PDCD4: variants seen among roughly 807,000 people sequenced by gnomAD.
The protein encoded by PDCD4 is programmed cell death protein 4.
PDCD4 carries 56 observed loss-of-function variants against 54.0 expected under a neutral mutation model. The observed-to-expected ratio is 1.04, with a 90% CI of 0.84 to 1.30. The LOEUF (loss-of-function observed/expected upper bound fraction) is 1.30. PDCD4 is among the 50% of genes most tolerant of loss of function. The probability of loss-of-function intolerance (pLI) is 0.00; values close to 1 mark genes in which losing one functional copy is unlikely to be tolerated. For missense variants in PDCD4, 584 were observed against 559.8 expected, an observed-to-expected ratio of 1.04 and a Z score of -0.44; for synonymous variants, 186 against 194.8, an observed-to-expected ratio of 0.95 and a Z score of 0.37.
At position 110,875,993 on chromosome 10, in the gene PDCD4, ATTTG is replaced by A; in HGVS notation, c.-31_-28del. On this transcript the variant is annotated 5_prime_UTR_variant, in exon 2 of 12. Coordinates refer to ENST00000280154, the MANE Select transcript of PDCD4 (RefSeq NM_014456.5). Reference sequence around the variant, plus strand: ...TCTGAAGGAAGATTTCCATTAGGTAATTTGTTTAATCAGTGCAAGCGAAATTAAG... The same window carrying A: ...TCTGAAGGAAGATTTCCATTAGGTAATTTAATCAGTGCAAGCGAAATTAAG... 1 of 1,519,348 alleles carries A rather than the reference ATTTG, an allele frequency of 6.6e-7. No individual in the cohort carries two copies. 94.1% of individuals were successfully genotyped at this position (1,519,348 alleles called of 1,614,324 possible). A position where few individuals can be genotyped will look rare whatever the true frequency, so the allele number is the denominator to read the frequency against.
chr10:110,873,828 A>AT (rs918880836), intron 1 of PDCD4, among the ~76,000 whole-genome samples: 2 of 151,994 alleles, frequency 1.3e-5, no homozygotes, highest in Non-Finnish European at 2.9e-5. Context: ...ACACAGGACT[A>AT]TTTTTTTTAT....
intron 7 of PDCD4, 49 bp downstream of exon 7, chr10:110,889,679 C>T (rs755585059): frequency 1.0e-6 from 1 of 987,294 alleles, no homozygotes; most frequent in African/African-American, 1.6e-5. Context: ...GGGGAAAATT[C>T]TACAGGATCC....
intron 2 of PDCD4, chr10:110,876,673 AT>A: frequency 8.9e-7 from 1 of 1,120,726 alleles, no homozygotes; most frequent in Non-Finnish European, 1.2e-6. Context: ...TACCTAGGGT[AT>A]TTTCCCTAAT....
At chr10:110,890,796 T>C (rs1230842239) in intron 8 of PDCD4, 126 bp downstream of exon 8, 2 of 460,952 alleles carry the variant, frequency 4.3e-6, no homozygotes, top group Non-Finnish European at 7.8e-6. Context: ...AATTGGAAAA[T>C]GAAATAATTT....
At chr10:110,894,571 A>G in intron 10 of PDCD4, 49 bp downstream of exon 10, 1 of 807,794 alleles carries the variant, frequency 1.2e-6, no homozygotes, top group Admixed American at 2.0e-5. Context: ...TGTCTTAAAT[A>G]TATGATTGAA....
intron 7 of PDCD4, 129 bp downstream of exon 7, chr10:110,889,759 G>A (rs1845728330): frequency 1.6e-6 from 1 of 634,906 alleles, no homozygotes; most frequent in African/African-American, 1.9e-5. Flanking sequence ...ATTCTCCACT[G>A]TTAAAATGGA....
intron 10 of PDCD4, among the ~76,000 whole-genome samples, chr10:110,895,068 T>A (rs1174758835): frequency 6.6e-6 from 1 of 152,084 alleles, no homozygotes; most frequent in East Asian, 1.9e-4. Flanking sequence ...TACTTATTTT[T>A]TTATTTATAT....
Position 110,895,987 on chromosome 10 carries a change from C to T in PDCD4, c.1249C>T (p.Leu417=). The T allele has an allele frequency of 6.2e-7, 1 of 1,602,570 alleles. No homozygotes were observed. The highest frequency in any genetic ancestry group is 2.2e-5 in the East Asian group (1 of 44,536). Residue 417 remains leucine, a synonymous_variant, in exon 11 of 12, where the codon CTG becomes TTG. Transcript: ENST00000280154. ...TTACAATGAAATTCCGGACATTAAT[C>T]TGGATGTCCCACATTCATACTCTGT... is the stretch of plus-strand genomic sequence containing the variant. The part of the protein sequence containing the change: ...RIYNEIPDIN[L]DVPHSYSVLE...
rs1162010579 is a variant in PDCD4, at chr10:110,898,674, A to G, written c.*586A>G. The G allele has an allele frequency of 6.6e-6, 1 of 152,660 alleles. No individual in the cohort carries two copies. The highest frequency in any genetic ancestry group is 2.4e-5 in the African/African-American group (1 of 41,464). The allele number at this position is 152,660 out of a possible 1,614,324, so 9.5% of individuals were successfully genotyped here. On this transcript the variant is annotated 3_prime_UTR_variant, in exon 12 of 12. Coordinates refer to ENST00000280154, the MANE Select transcript of PDCD4 (RefSeq NM_014456.5). ...AGGTGGCTGGAACATCTATTTTTCT[A>G]CAAAACTGGAAAAATGAACCTGGTT...
Position 110,887,754 on chromosome 10 carries a change from TAGAG to T in PDCD4, c.649_652del (p.Glu217Ter), listed in dbSNP as rs755089327. 6.2e-6 allele frequency: 10 copies of T among 1,613,308 alleles called. No individual in the cohort carries two copies. Among genetic ancestry groups the T allele is most frequent in the Non-Finnish European group, 7.6e-6 (9 of 1,179,288 alleles). ...TAGCATTGGAGGGGAAGGCTAGTCA[TAGAG>T]AGATGACATCTAAGCTTCTTTCTGA... On this transcript the variant is annotated frameshift_variant, in exon 6 of 12. Transcript: ENST00000280154. LOFTEE classifies it high-confidence loss of function.
intron 7 of PDCD4, among the ~76,000 whole-genome samples, chr10:110,890,120 G>T (rs770701036): frequency 6.6e-6 from 1 of 152,172 alleles, no homozygotes; most frequent in Admixed American, 6.5e-5. Flanking sequence ...TGATATTTGG[G>T]AGTTATGCTA....
chr10:110,894,067 C>T, intron 8 of PDCD4, 24 bp from the exon 9 acceptor site: 1 of 1,361,914 alleles, frequency 7.3e-7, no homozygotes, highest in Non-Finnish European at 1.0e-6. Flanking sequence ...AATTCTGACA[C>T]ATCTCAACTT....
intron 1 of PDCD4, among the ~76,000 whole-genome samples, chr10:110,872,387 G>C (rs1303629068): frequency 6.6e-6 from 1 of 152,146 alleles, no homozygotes; most frequent in Non-Finnish European, 1.5e-5. Flanking sequence ...GGTTGAATTC[G>C]GGGGCCGGGA....
chr10:110,895,697 C>T (rs1845821044), intron 10 of PDCD4, among the ~76,000 whole-genome samples: 1 of 152,216 alleles, frequency 6.6e-6, no homozygotes, highest in Admixed American at 6.5e-5. Context: ...TTCCCACCAA[C>T]AGCGTATAAA....
At chr10:110,881,825 C>A (rs966018378) in intron 3 of PDCD4, among the ~76,000 whole-genome samples, 1 of 152,094 alleles carries the variant, frequency 6.6e-6, no homozygotes, top group Non-Finnish European at 1.5e-5. Context: ...ACGAGTTTTA[C>A]GTATATTCTC....
At chr10:110,876,737 G>T in intron 2 of PDCD4, 1 of 1,296,478 alleles carries the variant, frequency 7.7e-7, no homozygotes, top group Non-Finnish European at 1.0e-6. Context: ...ACAGTTTTGT[G>T]GAATAGATGA....
At chr10:110,883,753 C>T (rs1172964272) in intron 4 of PDCD4, among the ~76,000 whole-genome samples, 2 of 152,030 alleles carry the variant, frequency 1.3e-5, no homozygotes, top group East Asian at 3.9e-4. Context: ...TTTGTCTTTG[C>T]ACAAGGTGAG....
At chr10:110,893,438 T>C (rs1422279271) in intron 8 of PDCD4, among the ~76,000 whole-genome samples, 3 of 151,148 alleles carry the variant, frequency 2.0e-5, no homozygotes, top group African/African-American at 7.3e-5. Context: ...ACAAATAACA[T>C]ATAGGGAAAA....
chr10:110,893,272 C>T (rs1845783805), intron 8 of PDCD4, among the ~76,000 whole-genome samples: 1 of 151,278 alleles, frequency 6.6e-6, no homozygotes, highest in Non-Finnish European at 1.5e-5. Flanking sequence ...ATATTATATC[C>T]TAAAGCATGA....
Sources: allele counts gnomAD v4.1 joint callset (sites outside exome capture counted in the v4.1 genomes callset), GRCh38; gene constraint gnomAD v4.1.1; transcripts MANE v1.5; gene names NCBI Gene and HGNC (gene_info 2026-07-23, HGNC 2026-07-21).